The following ZC3H12B variants were observed in gnomAD, a reference collection of about 807,000 sequenced individuals.
ZC3H12B encodes probable ribonuclease ZC3H12B.
In ZC3H12B, 7 loss-of-function variants were observed where a neutral mutation model predicts 43.9. The ratio of observed to expected loss-of-function variants is 0.16; its 90% CI spans 0.09 to 0.30. The LOEUF is 0.30. Ranked by LOEUF, ZC3H12B falls within the 10% of genes least tolerant of loss-of-function variation. The pLI, the probability that ZC3H12B is intolerant of heterozygous loss-of-function variation, is 1.00. For synonymous variants in ZC3H12B, 222 were observed against 241.7 expected (o/e 0.92, Z 0.76); for missense variants, 475 against 670.2 (o/e 0.71, Z 3.22).
chrX:65,315,789 A>C, the ZC3H12B span, among the ~76,000 whole-genome samples: 2 of 112,098 alleles, frequency 1.8e-5, no homozygotes, highest in African/African-American at 6.5e-5. Context: ...CAACCACACC[A>C]GTTCTACAGC....
chrX:65,389,689 T>A (rs1435670972), intron 2 of ZC3H12B, among the ~76,000 whole-genome samples: 1 of 112,387 alleles, frequency 8.9e-6, no homozygotes, highest in Non-Finnish European at 1.9e-5. Flanking sequence ...AGTACCTCAA[T>A]TGGAAATGCA....
At chrX:65,389,016 A>G (rs2066571844) in intron 2 of ZC3H12B, among the ~76,000 whole-genome samples, 2 of 111,886 alleles carry the variant, frequency 1.8e-5, no homozygotes, top group African/African-American at 6.5e-5. Context: ...TCAGAGGAGT[A>G]AGCGGCTGGG....
intron 2 of ZC3H12B, among the ~76,000 whole-genome samples, chrX:65,373,988 A>ATATATAGTATATATATATATACTG (rs2066299882): frequency 2.2e-5 from 1 of 45,470 alleles, no homozygotes; most frequent in African/African-American, 1.8e-4. Flanking sequence ...TATATACTAT[A>ATATATAGTATATATATATATACTG]TATATATAGT....
At chrX:65,212,555 A>G in the ZC3H12B span, among the ~76,000 whole-genome samples, 3 of 77,775 alleles carry the variant, frequency 3.9e-5, no homozygotes, top group African/African-American at 1.0e-4. Flanking sequence ...TATATATTAT[A>G]TTATATGTTA....
chrX:65,283,290 C>G, the ZC3H12B span, among the ~76,000 whole-genome samples: 314 of 111,972 alleles, frequency 2.8e-3, 3 homozygotes, highest in African/African-American at 9.7e-3. Context: ...ATGCTGAAAA[C>G]TCTCAGTAAA....
the ZC3H12B span, among the ~76,000 whole-genome samples, chrX:65,213,969 T>C: frequency 9.0e-6 from 1 of 110,689 alleles, no homozygotes; most frequent in Non-Finnish European, 1.9e-5. Context: ...ACATGAATAT[T>C]GTGATTTTCC....
chrX:65,263,413 G>A, the ZC3H12B span, among the ~76,000 whole-genome samples: 7 of 110,404 alleles, frequency 6.3e-5, no homozygotes, highest in Non-Finnish European at 1.3e-4. Flanking sequence ...GAGTGTGCAG[G>A]CAAAAGAGCA....
chrX:65,192,237 G>T, the ZC3H12B span, among the ~76,000 whole-genome samples: 1 of 110,512 alleles, frequency 9.0e-6, no homozygotes, highest in Non-Finnish European at 1.9e-5. Context: ...GGTCAATTTT[G>T]GAATAGGTGT....
the ZC3H12B span, among the ~76,000 whole-genome samples, chrX:65,307,688 AG>A: frequency 2.7e-5 from 3 of 112,032 alleles, no homozygotes; most frequent in South Asian, 3.7e-4. Flanking sequence ...GTCCAAAAAA[AG>A]GTACAGATTT....
intron 2 of ZC3H12B, among the ~76,000 whole-genome samples, chrX:65,379,977 C>T (rs759839080): frequency 7.1e-5 from 8 of 112,273 alleles, no homozygotes; most frequent in Non-Finnish European, 1.3e-4. Flanking sequence ...AAATCTACGT[C>T]TGATTGGTGT....
the ZC3H12B span, among the ~76,000 whole-genome samples, chrX:65,336,371 C>A: frequency 8.9e-6 from 1 of 112,326 alleles, no homozygotes; most frequent in African/African-American, 3.2e-5. Flanking sequence ...AAAGGAAAAT[C>A]ATGGAACCAA....
At chrX:65,436,593 G>A (rs1173000811) in intron 3 of ZC3H12B, among the ~76,000 whole-genome samples, 1 of 111,737 alleles carries the variant, frequency 8.9e-6, no homozygotes, top group Non-Finnish European at 1.9e-5. Context: ...ATTGACACCT[G>A]AAATTAACCA....
At chrX:65,249,113 T>C in the ZC3H12B span, among the ~76,000 whole-genome samples, 1 of 111,944 alleles carries the variant, frequency 8.9e-6, no homozygotes, top group South Asian at 3.7e-4. Flanking sequence ...TCTTTGTGTT[T>C]ATTGCATTTG....
chrX:65,073,185 TACAC>T, the ZC3H12B span, among the ~76,000 whole-genome samples: 27 of 111,535 alleles, frequency 2.4e-4, no homozygotes, highest in Admixed American at 4.7e-4. Flanking sequence ...AAGGTGTACA[TACAC>T]ACACACACAC....
chrX:65,394,762 A>T (rs1342021614), intron 2 of ZC3H12B, among the ~76,000 whole-genome samples: 2 of 111,979 alleles, frequency 1.8e-5, no homozygotes. Context: ...AGCTTGATGG[A>T]AATAGAATTG....
At chrX:65,294,180 A>G in the ZC3H12B span, among the ~76,000 whole-genome samples, 1 of 111,910 alleles carries the variant, frequency 8.9e-6, no homozygotes, top group Non-Finnish European at 1.9e-5. Context: ...TGCAAGCTAG[A>G]AAACATTGAG....
chrX:65,085,092 T>C, the ZC3H12B span, among the ~76,000 whole-genome samples: 2 of 111,591 alleles, frequency 1.8e-5, no homozygotes, highest in Non-Finnish European at 3.8e-5. Flanking sequence ...TGAAGGATGG[T>C]TACCAGAAGC....
At chrX:65,277,862 A>C in the ZC3H12B span, among the ~76,000 whole-genome samples, 1 of 111,464 alleles carries the variant, frequency 9.0e-6, no homozygotes, top group East Asian at 2.8e-4. Flanking sequence ...GCTAATACAG[A>C]TTACAGCAGA....
intron 2 of ZC3H12B, among the ~76,000 whole-genome samples, chrX:65,395,853 C>T (rs1437178743): frequency 8.9e-6 from 1 of 111,822 alleles, no homozygotes; most frequent in Non-Finnish European, 1.9e-5. Flanking sequence ...TAACTATTGC[C>T]TCAATTTTAG....
Sources: allele counts gnomAD v4.1 joint callset (sites outside exome capture counted in the v4.1 genomes callset), GRCh38; gene constraint gnomAD v4.1.1; transcripts MANE v1.5; gene names NCBI Gene and HGNC (gene_info 2026-07-23, HGNC 2026-07-21).